Variants in DMD observed in about 807,000 individuals in gnomAD.
DMD encodes the protein mutant dystrophin.
In DMD, 63 loss-of-function variants were observed where a neutral mutation model predicts 330.1. That is an observed-to-expected ratio of 0.19 (90% confidence interval 0.16 to 0.24). DMD has a LOEUF of 0.24. Among genes scored for constraint, DMD ranks in the 10% least tolerant of loss-of-function variants. The pLI, the probability that DMD is intolerant of heterozygous loss-of-function variation, is 1.00. For synonymous variants in DMD, 1,223 were observed against 959.8 expected (o/e 1.27, Z -5.07); for missense variants, 3,344 against 2,684.1 (o/e 1.25, Z -5.43).
intron 68 of DMD, 120 bp from the exon 69 acceptor site, chrX:31,180,601 C>T: frequency 1.8e-6 from 1 of 557,629 alleles, no homozygotes; most frequent in South Asian, 2.6e-5. Flanking sequence ...GTTCATTAGT[C>T]CCACAAGGTA....
At chrX:32,478,772 A>C (rs1603634454) in intron 21 of DMD, among the ~76,000 whole-genome samples, 1 of 111,612 alleles carries the variant, frequency 9.0e-6, no homozygotes, top group East Asian at 2.8e-4. Context: ...TGCTCTGCTG[A>C]AAGTCGCTGC....
intron 59 of DMD, among the ~76,000 whole-genome samples, chrX:31,474,548 CAA>C (rs201882496): frequency 0.071 from 6,386 of 90,004 alleles, 201 homozygotes; most frequent in East Asian, 0.19. Flanking sequence ...CTAAAAAATA[CAA>C]AAAAAAAAAA....
chrX:31,237,692 C>G (rs1407998058), intron 63 of DMD, among the ~76,000 whole-genome samples: 1 of 111,666 alleles, frequency 9.0e-6, no homozygotes, highest in African/African-American at 3.3e-5. Context: ...ACCAATATTA[C>G]CGGTACTCCG....
chrX:32,357,660 T>TATAC (rs1557299766), intron 37 of DMD, among the ~76,000 whole-genome samples: 10 of 94,866 alleles, frequency 1.1e-4, no homozygotes, highest in African/African-American at 3.9e-4. Flanking sequence ...CATACACAGA[T>TATAC]ACACACACAC....
chrX:32,743,298 C>T (rs2069545917), intron 7 of DMD, among the ~76,000 whole-genome samples: 1 of 111,416 alleles, frequency 9.0e-6, no homozygotes, highest in Non-Finnish European at 1.9e-5. Flanking sequence ...CAGTTGTCCA[C>T]CACAGTTTAA....
At chrX:32,240,627 T>C (rs915753224) in intron 43 of DMD, among the ~76,000 whole-genome samples, 1 of 112,076 alleles carries the variant, frequency 8.9e-6, no homozygotes, top group Admixed American at 9.5e-5. Context: ...TATAATCTAC[T>C]GCCCAGAGGA....
intron 2 of DMD, among the ~76,000 whole-genome samples, chrX:32,933,365 GA>G (rs948892831): frequency 4.7e-4 from 52 of 110,774 alleles, no homozygotes; most frequent in East Asian, 3.4e-3. Context: ...GATTAGATGT[GA>G]AAAAAAATGA....
intron 2 of DMD, among the ~76,000 whole-genome samples, chrX:32,900,761 C>T (rs189315970): frequency 3.0e-4 from 33 of 111,496 alleles, no homozygotes; most frequent in African/African-American, 8.5e-4. Context: ...AAGGAATTTT[C>T]GTTGATATTT....
At chrX:31,828,578 T>G (rs1216314006) in intron 49 of DMD, among the ~76,000 whole-genome samples, 1 of 104,875 alleles carries the variant, frequency 9.5e-6, no homozygotes, top group African/African-American at 3.5e-5. Flanking sequence ...GCAGGAGAAT[T>G]ACTTGAAACT....
At chrX:32,904,065 A>C (rs1428489067) in intron 2 of DMD, among the ~76,000 whole-genome samples, 2 of 112,320 alleles carry the variant, frequency 1.8e-5, no homozygotes, top group African/African-American at 6.5e-5. Flanking sequence ...GGATAACAAT[A>C]TCAAAGATAT....
intron 60 of DMD, among the ~76,000 whole-genome samples, chrX:31,439,289 G>C (rs1260513176): frequency 8.9e-6 from 1 of 111,825 alleles, no homozygotes; most frequent in Non-Finnish European, 1.9e-5. Flanking sequence ...GTTTTGTTTA[G>C]TATGTCCTTG....
At chrX:32,732,417 C>A (rs929634886) in intron 7 of DMD, among the ~76,000 whole-genome samples, 1 of 110,227 alleles carries the variant, frequency 9.1e-6, no homozygotes, top group African/African-American at 3.3e-5. Flanking sequence ...GAGAATGCCA[C>A]AAAGATACTC....
At position 32,595,823 on chromosome X, in the gene DMD, G is replaced by T. The variant is rs776446238; in HGVS notation, c.1536C>A (p.His512Gln). The change falls in exon 13 of 79, where the codon CAC becomes CAA. Residue 512 changes from histidine (H) to glutamine (Q), a missense_variant. Physicochemically the swap from His to Gln is conservative, Grantham distance 24 (BLOSUM62 0). Transcript: ENST00000357033. ...QEQVRVNSLTHMVVVVDESSG... is the reference protein window; with the variant it reads ...QEQVRVNSLTQMVVVVDESSG... ...TAGATTCATCAACTACCACCACCAT[G>T]TGAGTGAGAGAATTGACCCTGACTT... 1.6e-5 allele frequency: 19 copies of T among 1,198,740 alleles called. No homozygotes were observed. Among genetic ancestry groups the T allele is most frequent in the Non-Finnish European group, 2.1e-5 (19 of 884,950 alleles).
Position 31,929,670 on chromosome X carries a change from T to G in DMD, c.6838A>C (p.Ser2280Arg), listed in dbSNP as rs767538299. Residue 2280 changes from serine (S) to arginine (R), a missense_variant, in exon 47 of 79, where the codon AGT becomes CGT. Transcript: ENST00000357033. ...LNETGGPVLV[S>R]APISPEEQDK... Reference sequence around the variant, plus strand: ...TGCTCTTCTGGGCTTATGGGAGCACTTACAAGCACGGGTCCTCCAGTTTCA... The same window carrying G: ...TGCTCTTCTGGGCTTATGGGAGCACGTACAAGCACGGGTCCTCCAGTTTCA... The G allele has an allele frequency of 8.3e-7, 1 of 1,211,485 alleles. No homozygotes were observed. Among genetic ancestry groups the G allele is most frequent in the Non-Finnish European group, 1.1e-6 (1 of 895,271 alleles).
chrX:33,276,808 C>G (rs1002833555), intron 1 of DMD, among the ~76,000 whole-genome samples: 1 of 111,648 alleles, frequency 9.0e-6, no homozygotes, highest in Non-Finnish European at 1.9e-5. Flanking sequence ...TGATAAACTA[C>G]AAGTTCACAG....
At chrX:32,889,608 C>T (rs980449030) in intron 2 of DMD, among the ~76,000 whole-genome samples, 2 of 110,807 alleles carry the variant, frequency 1.8e-5, no homozygotes, top group African/African-American at 6.6e-5. Context: ...TTCTGCCCCA[C>T]CCTAACTGAT....
chrX:31,624,730 TGC>T (rs1455829623), intron 55 of DMD, among the ~76,000 whole-genome samples: 2 of 111,788 alleles, frequency 1.8e-5, no homozygotes, highest in African/African-American at 6.5e-5. Flanking sequence ...GAACTATGAT[TGC>T]TATACAGCAT....
At chrX:32,572,100 G>C in intron 15 of DMD, among the ~76,000 whole-genome samples, 1 of 111,865 alleles carries the variant, frequency 8.9e-6, no homozygotes, top group Middle Eastern at 4.6e-3. Context: ...ATTTTCGGCA[G>C]TCACATCACT....
chrX:31,204,305 G>GTA (rs1172436667), intron 66 of DMD, among the ~76,000 whole-genome samples, 187 bp from the exon 67 acceptor site: 2 of 112,466 alleles, frequency 1.8e-5, no homozygotes, highest in Non-Finnish European at 3.7e-5. Flanking sequence ...AATGATCACT[G>GTA]TATATATATG....
Sources: allele counts gnomAD v4.1 joint callset (sites outside exome capture counted in the v4.1 genomes callset), GRCh38; gene constraint gnomAD v4.1.1; transcripts MANE v1.5; gene names NCBI Gene and HGNC (gene_info 2026-07-23, HGNC 2026-07-21).